Variants in NALCN observed in about 807,000 individuals in gnomAD.
The protein encoded by NALCN is sodium leak channel, non-selective.
Under a neutral mutation model 225.3 loss-of-function variants are expected in NALCN, and 111 were observed. The ratio of observed to expected loss-of-function variants is 0.49; its 90% CI spans 0.42 to 0.58. The LOEUF (loss-of-function observed/expected upper bound fraction) is 0.58. Ranked by LOEUF, NALCN falls within the 20% of genes least tolerant of loss-of-function variation. The pLI, the probability that NALCN is intolerant of heterozygous loss-of-function variation, is 0.00. For synonymous variants in NALCN, 764 were observed against 769.0 expected, an observed-to-expected ratio of 0.99 and a Z score of 0.11; for missense variants, 1,378 against 2,202.4, an observed-to-expected ratio of 0.63 and a Z score of 7.49.
At chr13:101,182,133 CAAAAAAA>C (rs34387567) in intron 14 of NALCN, among the ~76,000 whole-genome samples, 12 of 73,430 alleles carry the variant, frequency 1.6e-4, no homozygotes, top group African/African-American at 6.5e-4. Flanking sequence ...GACTCCATCT[CAAAAAAA>C]AAAAAAAAAA....
rs974770475 is a variant in NALCN at position 101,406,341 on chromosome 13, A to G, written c.-39-7176T>C. On this transcript the variant is annotated intron_variant, in intron 1 of 43. Transcript: ENST00000251127. ...ACTCTGTCTCAAAAAGAAAAAAAGAAAAAAGAATATGCACTATGTCATTCC... is the reference window on the plus strand; with the variant it reads ...ACTCTGTCTCAAAAAGAAAAAAAGAGAAAAGAATATGCACTATGTCATTCC... 5.9e-5 allele frequency among the ~76,000 whole-genome samples: 9 copies of G among 152,084 alleles called. 1 individual carries two copies. Among genetic ancestry groups the G allele is most frequent in the Admixed American group, 5.2e-4 (8 of 15,258 alleles).
rs554462302 is a variant in NALCN at position 101,348,372 on chromosome 13, T to C, written c.645-2952A>G. 2.6e-4 allele frequency among the ~76,000 whole-genome samples: 40 copies of C among 152,280 alleles called. No homozygotes were observed. The Middle Eastern group carries it at 0.017, about 65-fold the overall frequency. On this transcript the variant is annotated intron_variant, in intron 6 of 43. Transcript: ENST00000251127. ...TCTGTAAATTGTATAAAACAGGTAC[T>C]TGATAGACAATCAATGCTAGATGTT...
chr13:101,146,558 AC>A (rs1320147255), intron 15 of NALCN, among the ~76,000 whole-genome samples: 1 of 152,238 alleles, frequency 6.6e-6, no homozygotes, highest in Non-Finnish European at 1.5e-5. Context: ...GTAGAAAAAT[AC>A]TTGTCAGTGG....
At chr13:101,134,005 T>TA (rs796409003) in intron 17 of NALCN, among the ~76,000 whole-genome samples, 1 of 151,898 alleles carries the variant, frequency 6.6e-6, no homozygotes, top group South Asian at 2.1e-4. Context: ...CCGTCTCTAC[T>TA]AAAAAATAGA....
chr13:101,068,761 C>A lies in NALCN; in HGVS notation c.4264G>T (p.Gly1422Trp). 1 of 1,612,488 alleles carries A rather than the reference C, an allele frequency of 6.2e-7. No homozygotes were observed. Among genetic ancestry groups the A allele is most frequent in the Non-Finnish European group, 8.5e-7 (1 of 1,179,388 alleles). ...AATGAACAGAAATACATAAGTGCCC[C>A]AGCATAATTTCCACAGTCTGTTGCC... ...YWATDCGNYA[G>W]ALMYFCSFYV... is the part of the protein sequence containing the mutation. Residue 1422 changes from glycine to tryptophan, a missense_variant, in exon 38 of 44, where the codon GGG becomes TGG. Coordinates refer to ENST00000251127, the MANE Select transcript of NALCN (RefSeq NM_052867.4).
intron 1 of NALCN, among the ~76,000 whole-genome samples, chr13:101,405,260 CT>C (rs1278000786): frequency 2.6e-5 from 4 of 152,160 alleles, no homozygotes; most frequent in Non-Finnish European, 4.4e-5. Flanking sequence ...GTCAATTTTG[CT>C]TGCTAAGTTC....
At chr13:101,373,226 C>G (rs2046591235) in intron 6 of NALCN, 1 of 193,566 alleles carries the variant, frequency 5.2e-6, no homozygotes, top group Non-Finnish European at 1.1e-5. Flanking sequence ...CTGAGTTTTA[C>G]TCATGAATTC....
Position 101,406,151 on chromosome 13 carries a change from C to CAAA in NALCN, c.-39-6989_-39-6987dup, listed in dbSNP as rs11400384. 9.0e-3 allele frequency among the ~76,000 whole-genome samples: 1,036 copies of CAAA among 114,514 alleles called. 22 individuals carry two copies. Among genetic ancestry groups the CAAA allele is most frequent in the African/African-American group, 0.025 (820 of 33,164 alleles). The allele number at this position is 114,514 out of a possible 152,430, so 75.1% of individuals were successfully genotyped here. ...GCAACATGGAGAAAACCCATCTCTACAAAAAAAAAAAAAAAATACAAAAAA... is the reference window on the plus strand; with the variant it reads ...GCAACATGGAGAAAACCCATCTCTACAAAAAAAAAAAAAAAAAAATACAAAAAA... On this transcript the variant is annotated intron_variant, in intron 1 of 43. Transcript: ENST00000251127.
At chr13:101,253,482 T>C (rs1255804442) in intron 11 of NALCN, among the ~76,000 whole-genome samples, 1 of 152,218 alleles carries the variant, frequency 6.6e-6, no homozygotes, top group Admixed American at 6.5e-5. Context: ...TACTGCATCA[T>C]TATAGTCTAT....
rs2035918083 is a variant in NALCN at position 101,120,422 on chromosome 13, G to A, written c.2192+4186C>T. Among the ~76,000 whole-genome samples the A allele has an allele frequency of 3.3e-5, 5 of 151,748 alleles. No homozygotes were observed. In the South Asian group the frequency reaches 1.0e-3, roughly 32 times the overall value. The stretch of plus-strand genomic sequence containing the variant: ...CTGGGCCAACCCCTTTCTCCAGACA[G>A]TAGGTCACTCAACTGGTCAAGCTAG... On this transcript the variant is annotated intron_variant, in intron 18 of 43. Coordinates refer to ENST00000251127, the MANE Select transcript of NALCN (RefSeq NM_052867.4).
chr13:101,397,093 TATATATATATATATATAC>T (rs1285073233), intron 2 of NALCN, among the ~76,000 whole-genome samples: 14 of 61,604 alleles, frequency 2.3e-4, no homozygotes, highest in East Asian at 1.1e-3. Context: ...TATATATATA[TATATATATATATATATAC>T]ATACACATAC....
At chr13:101,101,476 T>A (rs1226175418) in intron 26 of NALCN, among the ~76,000 whole-genome samples, 1 of 152,034 alleles carries the variant, frequency 6.6e-6, no homozygotes, top group Non-Finnish European at 1.5e-5. Flanking sequence ...AGACAGGGTT[T>A]CATCATATTG....
At position 101,104,887 on chromosome 13, in the gene NALCN, T is replaced by G; in HGVS notation, c.2636+7A>C. ...TGTGCATGGAAAATGAAGTTGGTGA[T>G]GCTTACTAAAGTTGATGGTACTTTG... On this transcript the variant is annotated splice_region_variant and intron_variant, in intron 23 of 43. Transcript: ENST00000251127. The surrounding 1 kb of genome is among the most constrained non-coding windows in gnomAD (Gnocchi z 4.2). The G allele has an allele frequency of 6.2e-7, 1 of 1,613,728 alleles. No individual in the cohort carries two copies. Among genetic ancestry groups the G allele is most frequent in the Non-Finnish European group, 8.5e-7 (1 of 1,179,738 alleles).
At chr13:101,256,984 C>G (rs1016770528) in intron 11 of NALCN, among the ~76,000 whole-genome samples, 1 of 152,068 alleles carries the variant, frequency 6.6e-6, no homozygotes, top group African/African-American at 2.4e-5. Flanking sequence ...AGGCTTGTCT[C>G]GAACTCCTGA....
At chr13:101,248,631 G>T (rs975228500) in intron 11 of NALCN, among the ~76,000 whole-genome samples, 1 of 152,050 alleles carries the variant, frequency 6.6e-6, no homozygotes, top group Non-Finnish European at 1.5e-5. Context: ...AGCTTCCCTG[G>T]TTCTCAGCGC....
chr13:101,270,936 G>A (rs1299082076), intron 10 of NALCN, among the ~76,000 whole-genome samples: 1 of 152,174 alleles, frequency 6.6e-6, no homozygotes, highest in Non-Finnish European at 1.5e-5. Context: ...CTTTGGTGAT[G>A]GAAATTTGTC....
At chr13:101,312,893 A>C (rs1230275268) in intron 7 of NALCN, among the ~76,000 whole-genome samples, 1 of 152,206 alleles carries the variant, frequency 6.6e-6, no homozygotes, top group Non-Finnish European at 1.5e-5. Context: ...AAGCCAAAAG[A>C]GCAAAGCTGC....
chr13:101,277,484 G>T (rs952571710), intron 10 of NALCN, among the ~76,000 whole-genome samples: 1 of 151,824 alleles, frequency 6.6e-6, no homozygotes, highest in South Asian at 2.1e-4. Flanking sequence ...CATTTATTCC[G>T]TGAGTCACCC....
intron 7 of NALCN, among the ~76,000 whole-genome samples, chr13:101,327,543 TA>T (rs1330626085): frequency 6.6e-6 from 1 of 152,180 alleles, no homozygotes; most frequent in Non-Finnish European, 1.5e-5. Flanking sequence ...AAAAATTCCT[TA>T]AAGTGAATGA....
Sources: gnomAD v4.1 joint callset for allele counts (sites outside exome capture counted in the v4.1 genomes callset) on GRCh38, gnomAD v4.1.1 for gene constraint, Gnocchi (gnomAD v3.1) non-coding constraint, MANE v1.5 for transcripts, NCBI Gene and HGNC (gene_info 2026-07-23, HGNC 2026-07-21) for gene names.